Variants in SMAP2 observed in about 807,000 individuals in gnomAD.
SMAP2 encodes stromal membrane-associated protein 2.
SMAP2 carries 25 observed loss-of-function variants against 56.4 expected under a neutral mutation model. That is an observed-to-expected ratio of 0.44 (90% CI 0.32 to 0.62). SMAP2 has a LOEUF of 0.62. Ranked by LOEUF, SMAP2 falls within the 20% of genes least tolerant of loss-of-function variation. The probability of loss-of-function intolerance (pLI) is 0.04; values close to 1 mark genes in which losing one functional copy is unlikely to be tolerated. For synonymous variants in SMAP2, 157 were observed against 181.7 expected (o/e 0.86, Z 1.09); for missense variants, 388 against 545.6 (o/e 0.71, Z 2.88).
At chr1:40,406,620 TA>T in intron 1 of SMAP2, 115 bp from the exon 2 acceptor site, 1 of 1,151,596 alleles carries the variant, frequency 8.7e-7, no homozygotes, top group Non-Finnish European at 1.2e-6. Context: ...AACAGGTGGT[TA>T]TGGTAAAAAT....
intron 4 of SMAP2, 83 bp from the exon 5 acceptor site, chr1:40,412,933 C>A: frequency 9.3e-7 from 1 of 1,079,288 alleles, no homozygotes; most frequent in Non-Finnish European, 1.3e-6. Context: ...TGGAGGTGTC[C>A]TTTTCGGACA....
rs558356086 is a variant in SMAP2, at chr1:40,418,487, A to T, written c.1164+1391A>T. The stretch of plus-strand genomic sequence containing the variant: ...ATGGGACAGTATTAATGTGTTTAAC[A>T]CCAGAAAACATTCTAGAAATAAAAG... On this transcript the variant is annotated intron_variant, in intron 9 of 9. Transcript: ENST00000372718. Among the ~76,000 whole-genome samples the T allele has an allele frequency of 2.6e-3, 399 of 152,368 alleles. 1 individual carries two copies. Among genetic ancestry groups the T allele is most frequent in the Admixed American group, 5.4e-3 (82 of 15,304 alleles).
intron 1 of SMAP2, among the ~76,000 whole-genome samples, chr1:40,402,223 A>G (rs1644841576): frequency 6.6e-6 from 1 of 152,242 alleles, no homozygotes; most frequent in Non-Finnish European, 1.5e-5. Flanking sequence ...TAATAGATGT[A>G]CATGTTTTCA....
chr1:40,356,680 G>T (rs1029304386), intron 1 of SMAP2, among the ~76,000 whole-genome samples: 1 of 152,224 alleles, frequency 6.6e-6, no homozygotes, highest in Admixed American at 6.5e-5. Context: ...AAAGTGCTGG[G>T]ATTACAGGCG....
Position 40,374,700 on chromosome 1 carries a change from T to G in SMAP2, c.103+477T>G, listed in dbSNP as rs766339819. 10 of 1,550,394 alleles carry G rather than the reference T, an allele frequency of 6.4e-6. No individual in the cohort carries two copies. In the Middle Eastern group the frequency reaches 5.0e-4, roughly 78 times the overall value. ...GCGGAAAGGAAAACTGCTTAAATGA[T>G]TTTTAAAGGTGGTGATTTTTGCTTC... On this transcript the variant is annotated intron_variant, in intron 1 of 9. Coordinates refer to ENST00000372718, the MANE Select transcript of SMAP2 (RefSeq NM_022733.3). This position sits in a 1 kb window ranked among gnomAD's most constrained non-coding sequence, Gnocchi z 5.9.
intron 1 of SMAP2, among the ~76,000 whole-genome samples, chr1:40,387,208 A>G (rs1481056096): frequency 6.6e-6 from 1 of 152,178 alleles, no homozygotes; most frequent in African/African-American, 2.4e-5. Context: ...TAATGATTTT[A>G]TATCATTCTT....
rs957746168 is a variant in SMAP2 at position 40,386,719 on chromosome 1, T to C, written c.103+12496T>C. ...GATAGGAGGATCCCTGTGCTTATAA[T>C]CTAAACATCAGTAAATGCTGGTTTT... is the stretch of plus-strand genomic sequence containing the variant. On this transcript the variant is annotated intron_variant, in intron 1 of 9. Coordinates refer to ENST00000372718, the MANE Select transcript of SMAP2 (RefSeq NM_022733.3). This position sits in a 1 kb window ranked among gnomAD's most constrained non-coding sequence, Gnocchi z 4.1. 3.3e-5 allele frequency among the ~76,000 whole-genome samples: 5 copies of C among 149,660 alleles called. No individual in the cohort carries two copies. Among genetic ancestry groups the C allele is most frequent in the Non-Finnish European group, 7.4e-5 (5 of 67,782 alleles).
At chr1:40,378,557 C>T (rs1644563526) in intron 1 of SMAP2, among the ~76,000 whole-genome samples, 1 of 152,180 alleles carries the variant, frequency 6.6e-6, no homozygotes, top group African/African-American at 2.4e-5. Flanking sequence ...AGCAGTCCTC[C>T]CATCTCAGCC....
upstream of SMAP2, among the ~76,000 whole-genome samples, chr1:40,370,759 T>G (rs1644492889): frequency 7.8e-6 from 1 of 127,624 alleles, no homozygotes. Context: ...TAATGCTAGA[T>G]GACGAGTTAG....
chr1:40,379,555 C>CTTTTTTTTTT (rs35398664), intron 1 of SMAP2, among the ~76,000 whole-genome samples: 1 of 78,112 alleles, frequency 1.3e-5, no homozygotes, highest in Non-Finnish European at 2.5e-5. Context: ...TGTTGTCTCT[C>CTTTTTTTTTT]TTTTTTTTTT....
chr1:40,364,423 T>C (rs1644471320), intron 2 of SMAP2, among the ~76,000 whole-genome samples: 1 of 152,054 alleles, frequency 6.6e-6, no homozygotes, highest in Admixed American at 6.6e-5. Context: ...ATCCTATTTC[T>C]ACAAACAGAA....
At chr1:40,347,257 T>TG (rs1644392890) in intron 1 of SMAP2, among the ~76,000 whole-genome samples, 3 of 77,368 alleles carry the variant, frequency 3.9e-5, no homozygotes, top group South Asian at 9.8e-4. Context: ...TTTTGTTTTT[T>TG]TTTTTTTTTT....
At chr1:40,392,382 G>A (rs972649597) in intron 1 of SMAP2, among the ~76,000 whole-genome samples, 18 of 151,978 alleles carry the variant, frequency 1.2e-4, no homozygotes, top group Middle Eastern at 3.4e-3. Context: ...TTAGGTCCTG[G>A]CAGGCTCCGT....
intron 2 of SMAP2, among the ~76,000 whole-genome samples, chr1:40,407,115 C>T (rs1251726279): frequency 6.6e-6 from 1 of 152,200 alleles, no homozygotes; most frequent in South Asian, 2.1e-4. Flanking sequence ...CATGGGCCCA[C>T]GAAAGTATTA....
intron 1 of SMAP2, among the ~76,000 whole-genome samples, chr1:40,353,906 A>G (rs1644421328): frequency 6.6e-6 from 1 of 151,992 alleles, no homozygotes; most frequent in Admixed American, 6.6e-5. Flanking sequence ...GTGCATTTCT[A>G]ACAAGTTGCC....
chr1:40,414,445 G>A (rs942262421), intron 6 of SMAP2, among the ~76,000 whole-genome samples: 1 of 152,234 alleles, frequency 6.6e-6, no homozygotes. Flanking sequence ...ACAGTGTGGT[G>A]TAGTGGTTAA....
At chr1:40,352,288 C>A (rs1042782024) in intron 1 of SMAP2, among the ~76,000 whole-genome samples, 1 of 152,238 alleles carries the variant, frequency 6.6e-6, no homozygotes, top group East Asian at 1.9e-4. Context: ...CAAGGCCTTT[C>A]GTGATCTGGC....
At chr1:40,362,599 C>T (rs1396741602) in intron 2 of SMAP2, among the ~76,000 whole-genome samples, 1 of 152,110 alleles carries the variant, frequency 6.6e-6, no homozygotes, top group Non-Finnish European at 1.5e-5. Context: ...TATTCTCATT[C>T]CTGATTCTTT....
rs559098503 is a variant in SMAP2, at chr1:40,406,718, T to G, written c.104-18T>G. ...TGTTGTAATTTGTACTTTATTGCCC[T>G]GTTCCTGACTTTCACAGGGCCGCGA... On this transcript the variant is annotated intron_variant, in intron 1 of 9. Transcript: ENST00000372718. 1 of 1,607,710 alleles carries G rather than the reference T, an allele frequency of 6.2e-7. No individual in the cohort carries two copies. Among genetic ancestry groups the G allele is most frequent in the Non-Finnish European group, 8.5e-7 (1 of 1,175,720 alleles).
Sources: gnomAD v4.1 joint callset for allele counts (sites outside exome capture counted in the v4.1 genomes callset) on GRCh38, gnomAD v4.1.1 for gene constraint, Gnocchi (gnomAD v3.1) non-coding constraint, MANE v1.5 for transcripts, NCBI Gene and HGNC (gene_info 2026-07-23, HGNC 2026-07-21) for gene names.